Variants in MYBBP1A observed in about 807,000 individuals in gnomAD.
MYBBP1A encodes the protein MYB binding protein 1a, also known as myb-binding protein 1A.
In MYBBP1A, 147 loss-of-function variants were observed where a neutral mutation model predicts 136.3. That is an observed-to-expected ratio of 1.08 (90% CI 0.94 to 1.24). The LOEUF (loss-of-function observed/expected upper bound fraction) is 1.24, where lower values mean the gene tolerates loss of function less well. Ranked by LOEUF, MYBBP1A falls within the 50% of genes most tolerant of loss-of-function variation. MYBBP1A has a pLI of 0.00. For missense variants in MYBBP1A, 2,060 were observed against 1,727.4 expected, an observed-to-expected ratio of 1.19 and a Z score of -3.41; for synonymous variants, 947 against 735.8, an observed-to-expected ratio of 1.29 and a Z score of -4.65.
intron 2 of MYBBP1A, 141 bp from the exon 3 acceptor site, chr17:4,554,419 T>C (rs1907840988): frequency 4.5e-6 from 3 of 673,748 alleles, no homozygotes; most frequent in African/African-American, 1.8e-5. Flanking sequence ...GTACCTTCTA[T>C]GGCCCCTAGA....
Position 4,549,331 on chromosome 17 carries a change from C to A in MYBBP1A, c.1430+1G>T. The A allele has an allele frequency of 6.2e-7, 1 of 1,610,438 alleles. No individual in the cohort carries two copies. On this transcript the variant is annotated splice_donor_variant, in intron 10 of 25. Coordinates refer to ENST00000254718, the MANE Select transcript of MYBBP1A (RefSeq NM_014520.4). LOFTEE classifies it high-confidence loss of function. ...AGCTGGGAATCCAGCACAGCTCGCA[C>A]CTGGCCACCTGCTCAGTCAAGGCCT...
At chr17:4,541,159 C>T (rs1906382886) in intron 24 of MYBBP1A, among the ~76,000 whole-genome samples, 1 of 108,152 alleles carries the variant, frequency 9.2e-6, no homozygotes, top group South Asian at 3.9e-4. Context: ...AACCCTTCCA[C>T]AGTCTCCAGC....
At chr17:4,544,247 G>A (rs893187348) in intron 19 of MYBBP1A, among the ~76,000 whole-genome samples, 1 of 146,490 alleles carries the variant, frequency 6.8e-6, no homozygotes, top group African/African-American at 2.7e-5. Flanking sequence ...CAAGGGCAGG[G>A]ATGGACCCCA....
At chr17:4,547,908 T>G (rs1359702616) in intron 13 of MYBBP1A, 50 bp downstream of exon 13, 2 of 1,388,006 alleles carry the variant, frequency 1.4e-6, no homozygotes, top group Non-Finnish European at 9.5e-7. Context: ...GGGGGCCCAT[T>G]GTGCCATAGA....
rs1190073765 is a variant in MYBBP1A at position 4,545,851 on chromosome 17, G to T, written c.1916C>A (p.Thr639Asn). 6.2e-7 allele frequency: 1 copy of T among 1,613,192 alleles called. No individual in the cohort carries two copies. Residue 639 changes from threonine to asparagine, a missense_variant, in exon 14 of 26, where the codon ACC becomes AAC. Thr to Asn is a moderately conservative substitution (Grantham distance 65). Transcript: ENST00000254718. ...TCTCGTGACCAAGGACCCACCGATGGTCTTGGTGCGGCTCCGGCGGGGCTT... is the reference window on the plus strand; with the variant it reads ...TCTCGTGACCAAGGACCCACCGATGTTCTTGGTGCGGCTCCGGCGGGGCTT... ...GEKPRRSRTK[T>N]IDPQEPPWVE...
intron 8 of MYBBP1A, among the ~76,000 whole-genome samples, chr17:4,550,989 C>T (rs1907461056): frequency 1.3e-5 from 2 of 152,250 alleles, no homozygotes; most frequent in South Asian, 4.1e-4. Flanking sequence ...GGCTTCACAG[C>T]CCAAGCTGTT....
intron 2 of MYBBP1A, 61 bp downstream of exon 2, chr17:4,554,800 C>CT: frequency 2.0e-6 from 3 of 1,525,702 alleles, no homozygotes; most frequent in Non-Finnish European, 2.7e-6. Context: ...CACACCCGCC[C>CT]TCCTCATACC....
Position 4,544,531 on chromosome 17 carries a change from TTGGAGCTGCTGC to T in MYBBP1A, c.2585_2596del (p.Ser862_Ser865del), listed in dbSNP as rs1335184613. 6.4e-7 allele frequency: 1 copy of T among 1,555,080 alleles called. No homozygotes were observed. Among genetic ancestry groups the T allele is most frequent in the Non-Finnish European group, 8.7e-7 (1 of 1,149,858 alleles). On this transcript the variant is annotated inframe_deletion, in exon 19 of 26. Transcript: ENST00000254718. ...CTTGTGCAGAAGGTCCTGCTCCTGTTTGGAGCTGCTGCTGCGCAGGCTGCGCCGGATGATGCT... is the reference window on the plus strand; with the variant it reads ...CTTGTGCAGAAGGTCCTGCTCCTGTTTGCGCAGGCTGCGCCGGATGATGCT...
chr17:4,542,171 CACCAGAGCAGACACT>C, intron 22 of MYBBP1A: 1 of 586,218 alleles, frequency 1.7e-6, no homozygotes, highest in Non-Finnish European at 3.0e-6. Flanking sequence ...ACAGCCCTGG[CACCAGAGCAGACACT>C]ACCAGGGGCA....
intron 13 of MYBBP1A, among the ~76,000 whole-genome samples, chr17:4,546,581 T>C (rs947507019): frequency 6.6e-6 from 1 of 152,228 alleles, no homozygotes; most frequent in African/African-American, 2.4e-5. Context: ...CCCCAATTCA[T>C]AATTCTAGAT....
At chr17:4,546,984 T>G (rs1907071282) in intron 13 of MYBBP1A, among the ~76,000 whole-genome samples, 1 of 151,290 alleles carries the variant, frequency 6.6e-6, no homozygotes, top group South Asian at 2.1e-4. Flanking sequence ...TCATCTCAAC[T>G]CACTGCAACC....
rs764660157 is a variant in MYBBP1A, at chr17:4,550,279, G to T, written c.1098C>A (p.Asp366Glu). The change falls in exon 9 of 26, where the codon GAC becomes GAA. Residue 366 changes from aspartate to glutamate, a missense_variant. Asp to Glu is a conservative substitution (Grantham distance 45). Transcript: ENST00000254718. ...CTAGCACGGCCAGCTGCCGCTCAGG[G>T]TCATCCTGGCACCCCTCTAGGAAGG... Reference protein sequence around the residue: ...VGTFLEGCQDDPERQLAVLVA... With the variant: ...VGTFLEGCQDEPERQLAVLVA... 2 of 1,613,556 alleles carry T rather than the reference G, an allele frequency of 1.2e-6. No individual in the cohort carries two copies. The highest frequency in any genetic ancestry group is 1.7e-6 in the Non-Finnish European group (2 of 1,180,024).
At position 4,548,602 on chromosome 17, in the gene MYBBP1A, T is replaced by C. The variant is rs1401464467; in HGVS notation, c.1478A>G (p.Gln493Arg). ...SFFVTKKPTSQIPETKHPFSF... is the reference protein window; with the variant it reads ...SFFVTKKPTSRIPETKHPFSF... ...GAACGGGTGCTTTGTCTCAGGGATCTGGGATGTGGGCTTCTTTGTGACAAA... is the reference window on the plus strand; with the variant it reads ...GAACGGGTGCTTTGTCTCAGGGATCCGGGATGTGGGCTTCTTTGTGACAAA... Residue 493 changes from glutamine to arginine, a missense_variant, in exon 11 of 26, where the codon CAG becomes CGG. Physicochemically the swap from Gln to Arg is conservative, Grantham distance 43. Transcript: ENST00000254718. This position sits in a 1 kb window ranked among gnomAD's most constrained non-coding sequence, Gnocchi z 4.2. The C allele has an allele frequency of 6.2e-7, 1 of 1,614,078 alleles. No homozygotes were observed. The highest frequency in any genetic ancestry group is 1.3e-5 in the African/African-American group (1 of 74,944).
In MYBBP1A at chr17:4,548,795, G is replaced by A. The variant is rs1281232197; in HGVS notation, c.1431-146C>T. ...TGGGTACAGTCCTCGGGGGCCTGAC[G>A]GGCAAGGCTGGAGGGGGCTGGGCTG... is the stretch of plus-strand genomic sequence containing the variant. On this transcript the variant is annotated intron_variant, in intron 10 of 25. Transcript: ENST00000254718. This position sits in a 1 kb window ranked among gnomAD's most constrained non-coding sequence, Gnocchi z 4.2. The A allele has an allele frequency of 3.7e-5, 42 of 1,136,918 alleles. 1 individual carries two copies. In the South Asian group the frequency reaches 3.9e-4, roughly 10 times the overall value. The allele number at this position is 1,136,918 out of a possible 1,614,324, so 70.4% of individuals were successfully genotyped here. A position where few individuals can be genotyped will look rare whatever the true frequency, so the allele number is the denominator to read the frequency against.
rs769058681 is a variant in MYBBP1A, at chr17:4,539,739, T to A, written c.3663A>T (p.Pro1221=). 2 of 1,612,768 alleles carry A rather than the reference T, an allele frequency of 1.2e-6. No individual in the cohort carries two copies. Among genetic ancestry groups the A allele is most frequent in the African/African-American group, 2.7e-5 (2 of 74,906 alleles). Residue 1221 remains proline, a synonymous_variant, in exon 26 of 26, where the codon CCA becomes CCT. Transcript: ENST00000254718. Reference sequence around the variant, plus strand: ...TGGTTGGCGTCCCGTTTGCCTGGGCTGGGACCTTAGCCTTTGTCCTGTTCC... The same window carrying A: ...TGGTTGGCGTCCCGTTTGCCTGGGCAGGGACCTTAGCCTTTGTCCTGTTCC... ...KKRNRTKAKV[P]AQANGTPTTK... is the part of the protein sequence containing the mutation.
rs1381690426 is a variant in MYBBP1A, at chr17:4,544,784, C to T, written c.2448G>A (p.Lys816=). ...GGAAGTCGCGCCGCAGAGCCTTCTC[C>T]TTCTGCAGCTTGTTCTTCTCGTCTC... ...ARRDEKNKLQ[K]EKALRRDFQI... The change falls in exon 18 of 26, where the codon AAG becomes AAA. Residue 816 remains lysine (K), a synonymous_variant. Coordinates refer to ENST00000254718, the MANE Select transcript of MYBBP1A (RefSeq NM_014520.4). The T allele has an allele frequency of 6.3e-7, 1 of 1,595,718 alleles. No individual in the cohort carries two copies. Among genetic ancestry groups the T allele is most frequent in the Admixed American group, 1.7e-5 (1 of 58,358 alleles).
Position 4,552,777 on chromosome 17 carries a change from G to A in MYBBP1A, c.562-151C>T, listed in dbSNP as rs1269326725. ...CAAAACTCAAATTCCCAGGCAGCGG[G>A]GTTTTTGACAAGCATCCCACTGACG... is the stretch of plus-strand genomic sequence containing the variant. On this transcript the variant is annotated intron_variant, in intron 5 of 25. Transcript: ENST00000254718. This position sits in a 1 kb window ranked among gnomAD's most constrained non-coding sequence, Gnocchi z 4.7. 6.9e-6 allele frequency: 5 copies of A among 721,040 alleles called. No homozygotes were observed. The highest frequency in any genetic ancestry group is 5.4e-5 in the African/African-American group (3 of 55,618). The allele number at this position is 721,040 out of a possible 1,614,324, so 44.7% of individuals were successfully genotyped here.
rs544431089 is a variant in MYBBP1A, at chr17:4,552,517, T to C, written c.671A>G (p.Lys224Arg). 15 of 1,613,974 alleles carry C rather than the reference T, an allele frequency of 9.3e-6. 1 individual carries two copies. The African/African-American group carries it at 1.3e-4, about 14-fold the overall frequency. ...CAGCTTCTTGAGCTTGGAGGGCACC[T>C]TCTGCTGGGCCAGGAGGAAGAGCTC... is the stretch of plus-strand genomic sequence containing the variant. ...QLELFLLAQQ[K>R]VPSKLKKLVG... is the part of the protein sequence containing the mutation. The change falls in exon 6 of 26, where the codon AAG becomes AGG. Residue 224 changes from lysine (K) to arginine (R), a missense_variant. Physicochemically the swap from Lys to Arg is conservative, Grantham distance 26 (BLOSUM62 2). Coordinates refer to ENST00000254718, the MANE Select transcript of MYBBP1A (RefSeq NM_014520.4). This position sits in a 1 kb window ranked among gnomAD's most constrained non-coding sequence, Gnocchi z 4.7.
At position 4,544,596 on chromosome 17, in the gene MYBBP1A, C is replaced by A; in HGVS notation, c.2532G>T (p.Leu844=). The A allele has an allele frequency of 6.3e-7, 1 of 1,583,808 alleles. No homozygotes were observed. The highest frequency in any genetic ancestry group is 2.3e-5 in the East Asian group (1 of 43,274). The change falls in exon 19 of 26, where the codon CTG becomes CTT. Residue 844 remains leucine (L), a synonymous_variant. Transcript: ENST00000254718. The part of the protein sequence containing the change: ...VLVTKQPENA[L]VLELLEPLLS... ...GCAGCGGCTCCAGCAGCTCCAGGAC[C>A]AGGGCATTCTCGGGCTGCTTGGTCA...
Sources: allele counts gnomAD v4.1 joint callset (sites outside exome capture counted in the v4.1 genomes callset), GRCh38; gene constraint gnomAD v4.1.1; non-coding constraint Gnocchi (gnomAD v3.1); transcripts MANE v1.5; gene names NCBI Gene and HGNC (gene_info 2026-07-23, HGNC 2026-07-21).